ZNF727: variants seen among roughly 807,000 people sequenced by gnomAD.
The protein encoded by ZNF727 is zinc finger protein 727.
In ZNF727, 11 loss-of-function variants were observed where a neutral mutation model predicts 11.5. That is an observed-to-expected ratio of 0.95 (90% confidence interval 0.60 to 1.58). The LOEUF (loss-of-function observed/expected upper bound fraction) is 1.58. Ranked by LOEUF, ZNF727 falls within the 40% of genes most tolerant of loss-of-function variation. The probability of loss-of-function intolerance (pLI) is 0.00; values close to 1 mark genes in which losing one functional copy is unlikely to be tolerated. For missense variants in ZNF727, 533 were observed against 581.7 expected (o/e 0.92, Z 0.86); for synonymous variants, 171 against 196.1 (o/e 0.87, Z 1.07).
chr7:64,080,945 C>A lies in ZNF727; in HGVS notation c.*2396C>A, dbSNP rs1785777216. ...CAATGCTCAGCTCACAACTCAGAGG[C>A]TGCATACTCTAAATGCTCAGCTCAC... On this transcript the variant is annotated 3_prime_UTR_variant, in exon 4 of 4. Coordinates refer to ENST00000456806, the MANE Select transcript of ZNF727 (RefSeq NM_001159522.3). 6.6e-6 allele frequency among the ~76,000 whole-genome samples: 1 copy of A among 151,256 alleles called. No individual in the cohort carries two copies. The highest frequency in any genetic ancestry group is 2.1e-4 in the South Asian group (1 of 4,788).
chr7:64,062,320 A>G (rs1388247297), intron 1 of ZNF727, among the ~76,000 whole-genome samples: 1 of 151,678 alleles, frequency 6.6e-6, no homozygotes, highest in Admixed American at 6.6e-5. Flanking sequence ...TTAATGTTCT[A>G]TTCTTTTAGA....
chr7:64,055,792 A>C (rs1450862320), intron 1 of ZNF727, among the ~76,000 whole-genome samples: 1 of 152,214 alleles, frequency 6.6e-6, no homozygotes, highest in African/African-American at 2.4e-5. Context: ...GCTTTTGGCT[A>C]TTGTGAATAG....
intron 1 of ZNF727, among the ~76,000 whole-genome samples, chr7:64,063,123 T>C (rs1381955300): frequency 6.6e-6 from 1 of 152,072 alleles, no homozygotes; most frequent in Non-Finnish European, 1.5e-5. Context: ...ACTAGTGCCT[T>C]ATTTAGTTTT....
chr7:64,051,729 C>T (rs1257134260), intron 1 of ZNF727, among the ~76,000 whole-genome samples: 2 of 152,014 alleles, frequency 1.3e-5, no homozygotes, highest in African/African-American at 4.8e-5. Context: ...GTAAGATTTA[C>T]GTCTCCTAGA....
Position 64,045,456 on chromosome 7 carries a change from C to T in ZNF727, c.-166C>T, listed in dbSNP as rs572456571. 1 of 986,870 alleles carries T rather than the reference C, an allele frequency of 1.0e-6. No individual in the cohort carries two copies. The highest frequency in any genetic ancestry group is 1.6e-6 in the Non-Finnish European group (1 of 635,860). 61.1% of individuals were successfully genotyped at this position (986,870 alleles called of 1,614,324 possible). ...GGCGGGCTCTTCAATATGGCAAGGC[C>T]TTCGTCTCCTAGCTTCTAGGCTCTG... On this transcript the variant is annotated 5_prime_UTR_variant, in exon 1 of 4. Transcript: ENST00000456806.
intron 1 of ZNF727, among the ~76,000 whole-genome samples, chr7:64,059,322 A>T (rs1351231040): frequency 6.6e-6 from 1 of 152,240 alleles, no homozygotes; most frequent in African/African-American, 2.4e-5. Context: ...TGTAAAAAAA[A>T]GGTAGAAAAA....
At chr7:64,075,573 C>G (rs189513866) in intron 3 of ZNF727, among the ~76,000 whole-genome samples, 1 of 152,088 alleles carries the variant, frequency 6.6e-6, no homozygotes, top group East Asian at 1.9e-4. Flanking sequence ...AAATTATGCT[C>G]TTTGTAGCAA....
At chr7:64,066,904 C>G (rs1413805742) in intron 1 of ZNF727, among the ~76,000 whole-genome samples, 3 of 152,074 alleles carry the variant, frequency 2.0e-5, no homozygotes, top group African/African-American at 4.8e-5. Flanking sequence ...ATCTATCCAT[C>G]TGACAAAGGG....
intron 1 of ZNF727, among the ~76,000 whole-genome samples, chr7:64,049,886 G>A (rs1789564098): frequency 6.6e-6 from 1 of 151,318 alleles, no homozygotes; most frequent in Non-Finnish European, 1.5e-5. Flanking sequence ...AATTAGTATT[G>A]TAAGTTTTAA....
In ZNF727 at chr7:64,083,346, T is replaced by C. The variant is rs1040974777; in HGVS notation, c.*4797T>C. Among the ~76,000 whole-genome samples the C allele has an allele frequency of 6.6e-6, 1 of 152,218 alleles. No homozygotes were observed. Among genetic ancestry groups the C allele is most frequent in the Non-Finnish European group, 1.5e-5 (1 of 68,034 alleles). On this transcript the variant is annotated 3_prime_UTR_variant, in exon 4 of 4. Coordinates refer to ENST00000456806, the MANE Select transcript of ZNF727 (RefSeq NM_001159522.3). Reference sequence around the variant, plus strand: ...CCATCCCAGGGAGGTACCGTACTGCTACCAATGGTTGGCTGGAATTTTAAG... The same window carrying C: ...CCATCCCAGGGAGGTACCGTACTGCCACCAATGGTTGGCTGGAATTTTAAG...
chr7:64,058,381 T>C (rs13228852), intron 1 of ZNF727, among the ~76,000 whole-genome samples: 1 of 151,940 alleles, frequency 6.6e-6, no homozygotes. Context: ...ATATAATAAT[T>C]TGCTCACAAC....
chr7:64,077,640 TA>T lies in ZNF727; in HGVS notation c.592del (p.Arg198GlufsTer168), dbSNP rs1314011659. ...TIQKRIHTADRSYKCEECGKA... is the reference protein window; with the variant it reads ...TIQKRIHTADXSYKCEECGKA... ...TACAGAAGAGAATTCATACTGCAGATAGAAGTTACAAATGTGAAGAATGTGG... is the reference window on the plus strand; with the variant it reads ...TACAGAAGAGAATTCATACTGCAGATGAAGTTACAAATGTGAAGAATGTGG... On this transcript the variant is annotated frameshift_variant, in exon 4 of 4. Transcript: ENST00000456806. LOFTEE classifies it low-confidence loss of function (END_TRUNC). 3.2e-6 allele frequency: 5 copies of T among 1,553,492 alleles called. No individual in the cohort carries two copies. Among genetic ancestry groups the T allele is most frequent in the Non-Finnish European group, 4.4e-6 (5 of 1,148,212 alleles).
rs1157359152 is a variant in ZNF727 at position 64,084,567 on chromosome 7, AC to A, written c.*6019del. On this transcript the variant is annotated 3_prime_UTR_variant, in exon 4 of 4. Transcript: ENST00000456806. Reference sequence around the variant, plus strand: ...TGGAGAATATGATTCCTACAAATTAACATTTTTGTTTTTCTTGTAACTACAG... The same window carrying A: ...TGGAGAATATGATTCCTACAAATTAAATTTTTGTTTTTCTTGTAACTACAG... 6.6e-6 allele frequency among the ~76,000 whole-genome samples: 1 copy of A among 152,178 alleles called. No homozygotes were observed. The highest frequency in any genetic ancestry group is 1.5e-5 in the Non-Finnish European group (1 of 68,004).
intron 1 of ZNF727, among the ~76,000 whole-genome samples, chr7:64,053,241 G>A (rs1789630147): frequency 6.6e-6 from 1 of 152,150 alleles, no homozygotes; most frequent in African/African-American, 2.4e-5. Flanking sequence ...ATTGAATCAT[G>A]GGAGCAAGTC....
intron 3 of ZNF727, among the ~76,000 whole-genome samples, chr7:64,075,410 A>G (rs1475662448): frequency 6.6e-6 from 1 of 151,996 alleles, no homozygotes; most frequent in Admixed American, 6.6e-5. Context: ...TGCATTTTCT[A>G]TAACATGTTA....
intron 1 of ZNF727, among the ~76,000 whole-genome samples, chr7:64,068,532 A>G (rs1789906954): frequency 6.6e-6 from 1 of 152,152 alleles, no homozygotes; most frequent in Non-Finnish European, 1.5e-5. Context: ...TGCTATGCAC[A>G]ATAAGATTTG....
In ZNF727 at chr7:64,065,901, T is replaced by C. The variant is rs1220359927; in HGVS notation, c.4-2990T>C. 3.9e-5 allele frequency among the ~76,000 whole-genome samples: 6 copies of C among 152,336 alleles called. No individual in the cohort carries two copies. The East Asian group carries it at 1.2e-3, about 29-fold the overall frequency. ...TAACCTGCAGCATTACAAATGTTCC[T>C]TTTGTGGCTGTTGAACATGGAAAGG... On this transcript the variant is annotated intron_variant, in intron 1 of 3. Transcript: ENST00000456806.
At chr7:64,045,871 G>T (rs150178116) in intron 1 of ZNF727, among the ~76,000 whole-genome samples, 1 of 152,168 alleles carries the variant, frequency 6.6e-6, no homozygotes. Context: ...GGGCAGCTCT[G>T]TGTCGCAATC....
Position 64,049,286 on chromosome 7 carries a change from A to G in ZNF727, c.3+3662A>G, listed in dbSNP as rs1327333964. Among the ~76,000 whole-genome samples, 7 of 152,010 alleles carry G rather than the reference A, an allele frequency of 4.6e-5. No homozygotes were observed. In the East Asian group the frequency reaches 1.4e-3, roughly 29 times the overall value. On this transcript the variant is annotated intron_variant, in intron 1 of 3. Transcript: ENST00000456806. ...TCTCTTTCTCCAACTTTATATATCCATTGAATTTACCTCATTTTCTTTATC... is the reference window on the plus strand; with the variant it reads ...TCTCTTTCTCCAACTTTATATATCCGTTGAATTTACCTCATTTTCTTTATC...
Sources: gnomAD v4.1 joint callset for allele counts (sites outside exome capture counted in the v4.1 genomes callset) on GRCh38, gnomAD v4.1.1 for gene constraint, MANE v1.5 for transcripts, NCBI Gene and HGNC (gene_info 2026-07-23, HGNC 2026-07-21) for gene names.